OLFM2: variants seen among roughly 807,000 people sequenced by gnomAD.
OLFM2 encodes the protein noelin-2.
Under a neutral mutation model 43.9 loss-of-function variants are expected in OLFM2, and 20 were observed. The ratio of observed to expected loss-of-function variants is 0.46; its 90% confidence interval spans 0.32 to 0.66. The LOEUF (loss-of-function observed/expected upper bound fraction) is 0.66, where lower values mean the gene tolerates loss of function less well. OLFM2 is among the 30% of genes least tolerant of loss of function. The pLI, the probability that OLFM2 is intolerant of heterozygous loss-of-function variation, is 0.04. For missense variants in OLFM2, 416 were observed against 643.6 expected, an observed-to-expected ratio of 0.65 and a Z score of 3.83; for synonymous variants, 268 against 278.6, an observed-to-expected ratio of 0.96 and a Z score of 0.38.
Position 9,854,131 on chromosome 19 carries a change from A to T in OLFM2, c.*55T>A. On this transcript the variant is annotated 3_prime_UTR_variant, in exon 6 of 6. Coordinates refer to ENST00000264833, the MANE Select transcript of OLFM2 (RefSeq NM_058164.4). The surrounding 1 kb of genome is among the most constrained non-coding windows in gnomAD (Gnocchi z 9.5). ...CTTGAGGGACACAGGCAGAATGAAA[A>T]GGGCCCCCAGCCCCCAGAGGCCCCC... 1.3e-6 allele frequency: 2 copies of T among 1,514,996 alleles called. No homozygotes were observed. The highest frequency in any genetic ancestry group is 1.8e-6 in the Non-Finnish European group (2 of 1,094,466). 93.8% of individuals were successfully genotyped at this position (1,514,996 alleles called of 1,614,324 possible).
intron 1 of OLFM2, among the ~76,000 whole-genome samples, chr19:9,904,612 A>G (rs2046769663): frequency 6.6e-6 from 1 of 152,002 alleles, no homozygotes; most frequent in South Asian, 2.1e-4. Flanking sequence ...AGTGGGGTTG[A>G]GAAGTGACTC....
chr19:9,931,040 G>A (rs1337348355), intron 1 of OLFM2, among the ~76,000 whole-genome samples: 9 of 151,946 alleles, frequency 5.9e-5, no homozygotes, highest in Non-Finnish European at 1.3e-4. Flanking sequence ...AACCTCACTC[G>A]ACCACTAGAT....
intron 1 of OLFM2, among the ~76,000 whole-genome samples, chr19:9,896,164 G>A (rs1266177434): frequency 5.8e-5 from 8 of 138,778 alleles, no homozygotes; most frequent in African/African-American, 2.2e-4. Context: ...GCAGTGGCGC[G>A]ATCTTGGCTC....
At chr19:9,913,829 A>G in intron 1 of OLFM2, 1 of 280,530 alleles carries the variant, frequency 3.6e-6, no homozygotes, top group Non-Finnish European at 5.4e-6. Flanking sequence ...TCCTCTTATA[A>G]AGCGCCGGCT....
chr19:9,875,021 T>C (rs62106800), intron 1 of OLFM2, among the ~76,000 whole-genome samples: 2,922 of 152,314 alleles, frequency 0.019, 46 homozygotes, highest in Non-Finnish European at 0.032. Context: ...TGAACAAATA[T>C]TGAATGGCCA....
rs553576675 is a variant in OLFM2 at position 9,856,322 on chromosome 19, T to C, written c.687+485A>G. 2.0e-5 allele frequency among the ~76,000 whole-genome samples: 3 copies of C among 152,238 alleles called. No homozygotes were observed. The highest frequency in any genetic ancestry group is 3.9e-4 in the East Asian group (2 of 5,156). ...CATGTTGGTCAGGCTGGTCTCGAAC[T>C]CCCGACCTCAGGTGATCCGCCCACC... On this transcript the variant is annotated intron_variant, in intron 5 of 5. Transcript: ENST00000264833. This position sits in a 1 kb window ranked among gnomAD's most constrained non-coding sequence, Gnocchi z 4.0.
intron 1 of OLFM2, among the ~76,000 whole-genome samples, chr19:9,935,334 T>C (rs959261507): frequency 2.6e-5 from 4 of 152,082 alleles, no homozygotes; most frequent in African/African-American, 9.7e-5. Context: ...ACTCCCAAGA[T>C]GGAGGAGGAG....
intron 1 of OLFM2, among the ~76,000 whole-genome samples, chr19:9,913,219 CTAATAATCA>C (rs1186694075): frequency 6.6e-6 from 1 of 152,126 alleles, no homozygotes; most frequent in African/African-American, 2.4e-5. Context: ...ACATTGCTCA[CTAATAATCA>C]TAATAATCAA....
At chr19:9,895,741 T>C (rs2046677888) in intron 1 of OLFM2, among the ~76,000 whole-genome samples, 1 of 152,098 alleles carries the variant, frequency 6.6e-6, no homozygotes, top group African/African-American at 2.4e-5. Flanking sequence ...GTTCAAGTGA[T>C]TCTCCTGCCC....
At chr19:9,934,648 A>G (rs909051122) in intron 1 of OLFM2, among the ~76,000 whole-genome samples, 5 of 151,950 alleles carry the variant, frequency 3.3e-5, no homozygotes, top group African/African-American at 1.2e-4. Context: ...CTCGTCTCCC[A>G]GGTGTGTCTC....
intron 1 of OLFM2, among the ~76,000 whole-genome samples, chr19:9,880,808 C>G (rs1411328971): frequency 6.6e-6 from 1 of 152,132 alleles, no homozygotes; most frequent in Non-Finnish European, 1.5e-5. Flanking sequence ...CAAAGCACTT[C>G]ATGACAGCAG....
chr19:9,891,839 G>A (rs778184495), intron 1 of OLFM2, among the ~76,000 whole-genome samples: 5 of 152,162 alleles, frequency 3.3e-5, no homozygotes, highest in Admixed American at 6.6e-5. Flanking sequence ...GGTGTGGCAC[G>A]TCTGTGTCTA....
intron 1 of OLFM2, among the ~76,000 whole-genome samples, chr19:9,889,912 A>G (rs1413658572): frequency 7.3e-6 from 1 of 137,648 alleles, no homozygotes; most frequent in Non-Finnish European, 1.6e-5. Context: ...CCTGGTTCAT[A>G]AATTCCAATT....
Position 9,854,091 on chromosome 19 carries a change from G to A in OLFM2, c.*95C>T. On this transcript the variant is annotated 3_prime_UTR_variant, in exon 6 of 6. Coordinates refer to ENST00000264833, the MANE Select transcript of OLFM2 (RefSeq NM_058164.4). The surrounding 1 kb of genome is among the most constrained non-coding windows in gnomAD (Gnocchi z 9.5). The stretch of plus-strand genomic sequence containing the variant: ...AGGCGGGGAGAAAGGGCGTGACAGA[G>A]ACAGAGAGATCACCCTTGAGGGACA... 8.8e-7 allele frequency: 1 copy of A among 1,131,086 alleles called. No homozygotes were observed. Among genetic ancestry groups the A allele is most frequent in the Non-Finnish European group, 1.3e-6 (1 of 767,742 alleles). 70.1% of individuals were successfully genotyped at this position (1,131,086 alleles called of 1,614,324 possible).
At chr19:9,898,682 A>C (rs752456128) in intron 1 of OLFM2, among the ~76,000 whole-genome samples, 6 of 152,016 alleles carry the variant, frequency 3.9e-5, no homozygotes, top group Non-Finnish European at 7.4e-5. Context: ...ATCTTTAAGA[A>C]ATTCTCCCTG....
intron 1 of OLFM2, among the ~76,000 whole-genome samples, chr19:9,894,875 G>C: frequency 6.6e-6 from 1 of 151,938 alleles, no homozygotes. Context: ...TGTCCTCAGA[G>C]CTCCAATGCA....
At chr19:9,916,030 T>C (rs2046873858) in intron 1 of OLFM2, among the ~76,000 whole-genome samples, 1 of 152,124 alleles carries the variant, frequency 6.6e-6, no homozygotes. Context: ...GTCTGGGACA[T>C]GGTAAGTTTT....
chr19:9,869,664 TG>T (rs1411544977), intron 1 of OLFM2, among the ~76,000 whole-genome samples: 1 of 152,226 alleles, frequency 6.6e-6, no homozygotes, highest in African/African-American at 2.4e-5. Context: ...TCGTCCAGGC[TG>T]GAGTGCAGTG....
rs576126035 is a variant in OLFM2 at position 9,856,553 on chromosome 19, G to A, written c.687+254C>T. Among the ~76,000 whole-genome samples, 1 of 152,348 alleles carries A rather than the reference G, an allele frequency of 6.6e-6. No individual in the cohort carries two copies. Among genetic ancestry groups the A allele is most frequent in the South Asian group, 2.1e-4 (1 of 4,824 alleles). On this transcript the variant is annotated intron_variant, in intron 5 of 5. Transcript: ENST00000264833. This position sits in a 1 kb window ranked among gnomAD's most constrained non-coding sequence, Gnocchi z 4.0. ...AGTTACTTGGACGTCAGTAGTCCCT[G>A]AGAACTGGTCAGTAGAACTCAGTAA...
Sources: allele counts gnomAD v4.1 joint callset (sites outside exome capture counted in the v4.1 genomes callset), GRCh38; gene constraint gnomAD v4.1.1; non-coding constraint Gnocchi (gnomAD v3.1); transcripts MANE v1.5; gene names NCBI Gene and HGNC (gene_info 2026-07-23, HGNC 2026-07-21).